TEX9: variants seen among roughly 807,000 people sequenced by gnomAD.
TEX9 encodes the protein testis expressed 9.
Under a neutral mutation model 59.6 loss-of-function variants are expected in TEX9, and 74 were observed. The observed-to-expected ratio is 1.24, with a 90% confidence interval of 1.03 to 1.51. TEX9 has a LOEUF of 1.51. Ranked by LOEUF, TEX9 falls within the 40% of genes most tolerant of loss-of-function variation. The pLI is 0.00. For synonymous variants in TEX9, 186 were observed against 152.2 expected, an observed-to-expected ratio of 1.22 and a Z score of -1.64; for missense variants, 522 against 447.8, an observed-to-expected ratio of 1.17 and a Z score of -1.49.
At chr15:56,373,126 G>C (rs961839665) in intron 2 of TEX9, among the ~76,000 whole-genome samples, 1 of 152,172 alleles carries the variant, frequency 6.6e-6, no homozygotes, top group African/African-American at 2.4e-5. Flanking sequence ...CTAATAACGA[G>C]GAGGTGGTGA....
At chr15:56,423,554 A>C (rs1227521278) in intron 10 of TEX9, among the ~76,000 whole-genome samples, 1 of 152,080 alleles carries the variant, frequency 6.6e-6, no homozygotes, top group South Asian at 2.1e-4. Context: ...CATGCAACCC[A>C]CTTAAAATAT....
chr15:56,334,583 T>C (rs1358516781), intron 1 of TEX9, among the ~76,000 whole-genome samples: 5 of 152,142 alleles, frequency 3.3e-5, no homozygotes, highest in African/African-American at 1.2e-4. Flanking sequence ...CTTTAGAACA[T>C]TGGTTTGGGC....
chr15:56,339,568 T>G (rs547661072), intron 1 of TEX9, among the ~76,000 whole-genome samples: 1 of 152,154 alleles, frequency 6.6e-6, no homozygotes, highest in East Asian at 1.9e-4. Flanking sequence ...AGGGGCTGTG[T>G]TAGTCTGCTG....
At chr15:56,395,000 A>C in intron 9 of TEX9, 166 bp downstream of exon 9, 1 of 685,498 alleles carries the variant, frequency 1.5e-6, no homozygotes, top group South Asian at 2.3e-5. Flanking sequence ...TTGAGATGTA[A>C]TTCACCCTTT....
At position 56,374,091 on chromosome 15, in the gene TEX9, TTA is replaced by T. The variant is rs570538512; in HGVS notation, c.183+591_183+592del. 1.6e-4 allele frequency: 25 copies of T among 151,922 alleles called. 1 individual carries two copies. In the East Asian group the frequency reaches 4.4e-3, roughly 27 times the overall value. 9.4% of individuals were successfully genotyped at this position (151,922 alleles called of 1,614,324 possible). A position where few individuals can be genotyped will look rare whatever the true frequency, so the allele number is the denominator to read the frequency against. ...AAAATATTTATAATTAAATTTATAC[TTA>T]TATGTTTTACTAATTTATAATTAAA... On this transcript the variant is annotated intron_variant, in intron 3 of 12. Coordinates refer to ENST00000352903, the Ensembl canonical transcript of TEX9.
intron 4 of TEX9, among the ~76,000 whole-genome samples, chr15:56,388,125 G>T (rs991280999): frequency 1.3e-5 from 2 of 151,978 alleles, no homozygotes; most frequent in Non-Finnish European, 2.9e-5. Context: ...GTAACATTGA[G>T]TGGGCTTACA....
intron 10 of TEX9, among the ~76,000 whole-genome samples, chr15:56,426,629 A>ACC (rs2050287077): frequency 1.1e-5 from 1 of 93,692 alleles, no homozygotes; most frequent in African/African-American, 3.0e-5. Context: ...ATATATATAC[A>ACC]CACACACAAA....
intron 1 of TEX9, among the ~76,000 whole-genome samples, chr15:56,266,939 C>A (rs2044400171): frequency 6.6e-6 from 1 of 152,198 alleles, no homozygotes; most frequent in African/African-American, 2.4e-5. Context: ...TACAGTCCCA[C>A]CAACAGTGTA....
At chr15:56,427,776 T>A in intron 11 of TEX9, 37 bp downstream of exon 11, 1 of 1,400,204 alleles carries the variant, frequency 7.1e-7, no homozygotes, top group Non-Finnish European at 9.4e-7. Flanking sequence ...TCATATTATT[T>A]GTAACTTTCT....
chr15:56,348,971 A>G (rs1165206436), intron 1 of TEX9, among the ~76,000 whole-genome samples: 7 of 151,442 alleles, frequency 4.6e-5, no homozygotes, highest in African/African-American at 1.7e-4. Context: ...CTACGGACCT[A>G]TCTTCAGGTT....
rs151239770 is a variant in TEX9 at position 56,423,121 on chromosome 15, A to G, written c.964-4484A>G. Among the ~76,000 whole-genome samples, 358 of 152,284 alleles carry G rather than the reference A, an allele frequency of 2.4e-3. 3 individuals are homozygous for G. Among genetic ancestry groups the G allele is most frequent in the African/African-American group, 8.1e-3 (338 of 41,558 alleles). On this transcript the variant is annotated intron_variant, in intron 10 of 12. Transcript: ENST00000352903. The stretch of plus-strand genomic sequence containing the variant: ...CTGCTTTGAACAAGGGTATACAGAT[A>G]TCAATGTCTCCTAGAGAAAAGTGAA...
chr15:56,340,903 T>A (rs1210745625), intron 1 of TEX9, among the ~76,000 whole-genome samples: 2 of 152,142 alleles, frequency 1.3e-5, no homozygotes, highest in African/African-American at 4.8e-5. Flanking sequence ...CATGCATCTT[T>A]TAACAAAAAT....
intron 9 of TEX9, among the ~76,000 whole-genome samples, chr15:56,404,073 C>T (rs576148467): frequency 6.6e-6 from 1 of 152,260 alleles, no homozygotes; most frequent in South Asian, 2.1e-4. Flanking sequence ...TAGGCATGGG[C>T]AAGGACACTT....
At chr15:56,266,979 C>T (rs1192127475) in intron 1 of TEX9, among the ~76,000 whole-genome samples, 5 of 152,172 alleles carry the variant, frequency 3.3e-5, no homozygotes, top group African/African-American at 1.2e-4. Flanking sequence ...ACATCCTCTC[C>T]AGCACCTGTT....
chr15:56,296,735 C>A (rs1191372098), intron 1 of TEX9, among the ~76,000 whole-genome samples: 1 of 152,064 alleles, frequency 6.6e-6, no homozygotes, highest in African/African-American at 2.4e-5. Context: ...GTGAGTCTAA[C>A]GTCTAGGGAA....
At chr15:56,406,703 T>C (rs956749106) in intron 9 of TEX9, among the ~76,000 whole-genome samples, 6 of 152,190 alleles carry the variant, frequency 3.9e-5, no homozygotes, top group Admixed American at 2.6e-4. Context: ...ACTATGGATA[T>C]TGAACATCTT....
At chr15:56,256,446 A>G (rs1254935704) in intron 1 of TEX9, among the ~76,000 whole-genome samples, 1 of 152,142 alleles carries the variant, frequency 6.6e-6, no homozygotes, top group Non-Finnish European at 1.5e-5. Flanking sequence ...TTTTAAAAAT[A>G]AGAAAAGATT....
intron 11 of TEX9, 38 bp from the exon 12 acceptor site, chr15:56,428,329 A>G: frequency 6.6e-7 from 1 of 1,504,450 alleles, no homozygotes; most frequent in Non-Finnish European, 9.2e-7. Context: ...GCCTACTCTT[A>G]ATACTAAATC....
intron 2 of TEX9, among the ~76,000 whole-genome samples, chr15:56,371,250 A>G (rs1227470678): frequency 1.3e-5 from 2 of 152,104 alleles, no homozygotes; most frequent in African/African-American, 4.8e-5. Flanking sequence ...TGTTTTCTGT[A>G]TCTCCTTGTA....
Sources: allele counts gnomAD v4.1 joint callset (sites outside exome capture counted in the v4.1 genomes callset), GRCh38; gene constraint gnomAD v4.1.1; transcripts MANE v1.5; gene names NCBI Gene and HGNC (gene_info 2026-07-23, HGNC 2026-07-21).